LIN7A: variants seen among roughly 807,000 people sequenced by gnomAD.
LIN7A encodes the protein lin-7 cell polarity scaffold A, also known as protein lin-7 homolog A.
LIN7A carries 25 observed loss-of-function variants against 29.8 expected under a neutral mutation model. The observed-to-expected ratio is 0.84, with a 90% confidence interval of 0.61 to 1.17. The LOEUF is 1.17. Among genes scored for constraint, LIN7A ranks in the 50% most tolerant of loss-of-function variants. LIN7A has a pLI of 0.00. For synonymous variants in LIN7A, 118 were observed against 107.5 expected (o/e 1.10, Z -0.60); for missense variants, 239 against 287.0 (o/e 0.83, Z 1.21).
intron 1 of LIN7A, among the ~76,000 whole-genome samples, chr12:80,918,900 A>G (rs1203763058): frequency 1.3e-5 from 2 of 152,214 alleles, no homozygotes; most frequent in African/African-American, 4.8e-5. Flanking sequence ...TTTGCACTGT[A>G]CCTTTTCTAT....
intron 5 of LIN7A, among the ~76,000 whole-genome samples, chr12:80,805,447 T>G (rs1251402494): frequency 1.3e-5 from 2 of 152,104 alleles, no homozygotes; most frequent in East Asian, 3.9e-4. Flanking sequence ...GAGGCTACTG[T>G]CAAATGCCAG....
chr12:80,813,175 T>TA (rs1871375089), intron 4 of LIN7A, among the ~76,000 whole-genome samples: 1 of 152,094 alleles, frequency 6.6e-6, no homozygotes, highest in Non-Finnish European at 1.5e-5. Context: ...CACGCCCAGC[T>TA]AATTTTTTTC....
chr12:80,820,903 C>A lies in LIN7A; in HGVS notation c.484-9220G>T, dbSNP rs187775337. Among the ~76,000 whole-genome samples the A allele has an allele frequency of 7.2e-5, 11 of 152,288 alleles. 1 individual carries two copies. In the East Asian group the frequency reaches 2.1e-3, roughly 29 times the overall value. Reference sequence around the variant, plus strand: ...CATGACACTCTGTGACACTACACCCCCAATGAGCAAAGGCTTAGAAATGTA... The same window carrying A: ...CATGACACTCTGTGACACTACACCCACAATGAGCAAAGGCTTAGAAATGTA... On this transcript the variant is annotated intron_variant, in intron 4 of 5. Coordinates refer to ENST00000552864, the MANE Select transcript of LIN7A (RefSeq NM_004664.4).
At chr12:80,801,337 G>A (rs1008747406) in intron 5 of LIN7A, among the ~76,000 whole-genome samples, 2 of 152,116 alleles carry the variant, frequency 1.3e-5, no homozygotes, top group Admixed American at 1.3e-4. Flanking sequence ...TTGTGATGAA[G>A]GCAGAGGTCA....
At chr12:80,826,108 A>G (rs990770257) in intron 4 of LIN7A, among the ~76,000 whole-genome samples, 1 of 89,204 alleles carries the variant, frequency 1.1e-5, no homozygotes, top group East Asian at 2.0e-4. Context: ...TTCTTGCAGG[A>G]GAAGTCAAAA....
intron 2 of LIN7A, among the ~76,000 whole-genome samples, chr12:80,850,234 TATG>T (rs1322736851): frequency 2.6e-5 from 4 of 152,188 alleles, no homozygotes; most frequent in Non-Finnish European, 5.9e-5. Context: ...CATTTAATTG[TATG>T]ATGTTTGTCA....
At chr12:80,937,611 G>C (rs1337542714) in intron 1 of LIN7A, 30 bp downstream of exon 1, 2 of 1,432,892 alleles carry the variant, frequency 1.4e-6, no homozygotes, top group Non-Finnish European at 1.9e-6. Flanking sequence ...GAGGGGACGC[G>C]GTGGCCTGGC....
At chr12:80,851,120 G>C (rs896176934) in intron 2 of LIN7A, among the ~76,000 whole-genome samples, 2 of 151,992 alleles carry the variant, frequency 1.3e-5, no homozygotes, top group South Asian at 4.1e-4. Context: ...TACTATTTTG[G>C]CAGTATCAGT....
intron 4 of LIN7A, among the ~76,000 whole-genome samples, chr12:80,822,906 G>A (rs1469825803): frequency 2.6e-5 from 4 of 152,156 alleles, no homozygotes. Flanking sequence ...CCAGGGGCTG[G>A]GCTGCCTGTT....
At chr12:80,884,990 A>C (rs1290430978) in intron 2 of LIN7A, among the ~76,000 whole-genome samples, 1 of 152,148 alleles carries the variant, frequency 6.6e-6, no homozygotes, top group Non-Finnish European at 1.5e-5. Context: ...ATGATAGTAC[A>C]TAGATTTTTA....
At chr12:80,830,447 T>C (rs12316187) in intron 4 of LIN7A, among the ~76,000 whole-genome samples, 24,409 of 152,046 alleles carry the variant, frequency 0.16, 2,754 homozygotes, top group African/African-American at 0.31. Flanking sequence ...GCATTTAGAG[T>C]GCTCTGCAGA....
In LIN7A at chr12:80,794,955, C is replaced by T. The variant is rs1870378412; in HGVS notation, c.*2772G>A. 6.6e-6 allele frequency: 1 copy of T among 152,218 alleles called. No individual in the cohort carries two copies. Among genetic ancestry groups the T allele is most frequent in the African/African-American group, 2.4e-5 (1 of 41,536 alleles). 9.4% of individuals were successfully genotyped at this position (152,218 alleles called of 1,614,324 possible). ...CAGGAAAAAGTTTAGAAAAATCTAT[C>T]CCACCGGCCACTGACCTAAAAAAGG... is the stretch of plus-strand genomic sequence containing the variant. On this transcript the variant is annotated 3_prime_UTR_variant, in exon 6 of 6. Coordinates refer to ENST00000552864, the MANE Select transcript of LIN7A (RefSeq NM_004664.4).
rs1286054301 is a variant in LIN7A at position 80,811,494 on chromosome 12, G to A, written c.673C>T (p.Gln225Ter). 1 of 1,506,308 alleles carries A rather than the reference G, an allele frequency of 6.6e-7. No individual in the cohort carries two copies. The highest frequency in any genetic ancestry group is 9.2e-7 in the Non-Finnish European group (1 of 1,092,846). The allele number at this position is 1,506,308 out of a possible 1,614,324, so 93.3% of individuals were successfully genotyped here. Residue 225 changes from glutamine (Q) to a stop codon, truncating the protein, a stop_gained, in exon 5 of 6, where the codon CAA (glutamine) becomes TAA (stop). Transcript: ENST00000552864. LOFTEE classifies it high-confidence loss of function. The stretch of plus-strand genomic sequence containing the variant: ...GACATGTGGTTTTGTTGTGTTTGTT[G>A]CTGCTGCTGCTGTTGCTGCTGCTGA... ...LIQQQQQQQQ[Q>*]QTQQNHMS
At chr12:80,848,000 C>T (rs1328373200) in intron 3 of LIN7A, 2 of 578,942 alleles carry the variant, frequency 3.5e-6, no homozygotes, top group African/African-American at 3.7e-5. Context: ...AGTAGATTTG[C>T]TTGTGCCAAA....
rs536031206 is a variant in LIN7A, at chr12:80,796,439, T to C, written c.*1288A>G. On this transcript the variant is annotated 3_prime_UTR_variant, in exon 6 of 6. Transcript: ENST00000552864. ...AAATTATGACCTGTAAATGTAGTTA[T>C]AACAGATTATTTTCCAGTGAATGAT... 1.2e-4 allele frequency: 18 copies of C among 152,306 alleles called. No individual in the cohort carries two copies. The highest frequency in any genetic ancestry group is 1.6e-4 in the Non-Finnish European group (11 of 68,000). The allele number at this position is 152,306 out of a possible 1,614,324, so 9.4% of individuals were successfully genotyped here.
intron 4 of LIN7A, among the ~76,000 whole-genome samples, chr12:80,813,746 G>A (rs1402941503): frequency 1.3e-5 from 2 of 152,094 alleles, no homozygotes; most frequent in African/African-American, 4.8e-5. Context: ...GACTTTATAG[G>A]ACCCTACATA....
chr12:80,871,280 A>G (rs948580813), intron 2 of LIN7A, among the ~76,000 whole-genome samples: 3 of 152,206 alleles, frequency 2.0e-5, no homozygotes, highest in African/African-American at 7.2e-5. Context: ...GTAATAGGAA[A>G]TGTCCCTTGG....
At chr12:80,879,369 A>G (rs1356962) in intron 2 of LIN7A, among the ~76,000 whole-genome samples, 103,463 of 152,002 alleles carry the variant, frequency 0.68, 39,161 homozygotes, top group Non-Finnish European at 0.87. Flanking sequence ...AAATGTTCAT[A>G]TCATTTATTT....
At chr12:80,863,898 G>T (rs1365090563) in intron 2 of LIN7A, among the ~76,000 whole-genome samples, 1 of 129,190 alleles carries the variant, frequency 7.7e-6, no homozygotes, top group Non-Finnish European at 1.6e-5. Context: ...AGGCTTGTTT[G>T]TTTGTTTTTT....
Sources: gnomAD v4.1 joint callset for allele counts (sites outside exome capture counted in the v4.1 genomes callset) on GRCh38, gnomAD v4.1.1 for gene constraint, MANE v1.5 for transcripts, NCBI Gene and HGNC (gene_info 2026-07-23, HGNC 2026-07-21) for gene names.